The following CDH13 variants were observed in gnomAD, a reference collection of about 807,000 sequenced individuals.
CDH13 encodes the protein cadherin-13.
Under a neutral mutation model 63.8 loss-of-function variants are expected in CDH13, and 24 were observed. The ratio of observed to expected loss-of-function variants is 0.38; its 90% CI spans 0.27 to 0.53. The LOEUF (loss-of-function observed/expected upper bound fraction) is 0.53, where lower values mean the gene tolerates loss of function less well. CDH13 is among the 20% of genes least tolerant of loss of function. The pLI is 0.85. For synonymous variants in CDH13, 503 were observed against 355.3 expected, an observed-to-expected ratio of 1.42 and a Z score of -4.67; for missense variants, 1,049 against 903.1, an observed-to-expected ratio of 1.16 and a Z score of -2.07.
chr16:83,276,618 C>G (rs1276314273), intron 5 of CDH13, among the ~76,000 whole-genome samples: 1 of 152,100 alleles, frequency 6.6e-6, no homozygotes, highest in South Asian at 2.1e-4. Flanking sequence ...CGCCTGTAAT[C>G]CCAGCACTTT....
intron 6 of CDH13, among the ~76,000 whole-genome samples, chr16:83,370,597 T>G (rs2091349273): frequency 6.6e-6 from 1 of 152,150 alleles, no homozygotes; most frequent in Non-Finnish European, 1.5e-5. Context: ...ATAGGTAGTT[T>G]TTTTGTTCTC....
chr16:83,667,657 C>G (rs1308299471), intron 8 of CDH13, among the ~76,000 whole-genome samples: 1 of 152,092 alleles, frequency 6.6e-6, no homozygotes, highest in Non-Finnish European at 1.5e-5. Context: ...TTCTTCACAT[C>G]ACAAAAATAA....
chr16:83,414,669 A>G (rs1237541006), intron 6 of CDH13, among the ~76,000 whole-genome samples: 1 of 152,240 alleles, frequency 6.6e-6, no homozygotes, highest in Non-Finnish European at 1.5e-5. Context: ...ACCATGCAGT[A>G]TTAGTCTTTC....
rs374652806 is a variant in CDH13, at chr16:83,678,391, C to G, written c.1468C>G (p.Leu490Val). The G allele has an allele frequency of 7.2e-5, 117 of 1,613,906 alleles. No individual in the cohort carries two copies. The highest frequency in any genetic ancestry group is 6.7e-5 in the Admixed American group (4 of 60,010). ...DPMMVTRQED[L>V]SVGSVLLTVN... is the part of the protein sequence containing the mutation. Reference sequence around the variant, plus strand: ...CATGATGGTGACCAGGCAGGAGGACCTCTCTGTGGGCAGCGTGCTGCTGAC... The same window carrying G: ...CATGATGGTGACCAGGCAGGAGGACGTCTCTGTGGGCAGCGTGCTGCTGAC... The change falls in exon 10 of 14, where the codon CTC (leucine) becomes GTC (valine). Residue 490 changes from leucine to valine, a missense_variant. Physicochemically the swap from Leu to Val is conservative, Grantham distance 32. Transcript: ENST00000567109.
In CDH13 at chr16:82,936,025, G is replaced by A. The variant is rs181366877; in HGVS notation, c.157+77552G>A. ...AGGTATGATGTTTACACAGGGCATG[G>A]GCAAGGCTGGTCACCCCACCCTAAT... On this transcript the variant is annotated intron_variant, in intron 2 of 13. Transcript: ENST00000567109. 1.7e-4 allele frequency among the ~76,000 whole-genome samples: 26 copies of A among 152,242 alleles called. No homozygotes were observed. The East Asian group carries it at 4.6e-3, about 27-fold the overall frequency.
intron 7 of CDH13, among the ~76,000 whole-genome samples, chr16:83,512,029 A>T (rs11149573): frequency 0.065 from 9,821 of 152,174 alleles, 369 homozygotes; most frequent in African/African-American, 0.087. Flanking sequence ...TTTTTAAAAA[A>T]TAAAGGAAGG....
chr16:83,359,173 C>T (rs955493978), intron 6 of CDH13, among the ~76,000 whole-genome samples: 2 of 152,104 alleles, frequency 1.3e-5, no homozygotes, highest in Non-Finnish European at 2.9e-5. Context: ...AAGGGTACAG[C>T]ACAAGGGTTG....
intron 1 of CDH13, among the ~76,000 whole-genome samples, chr16:82,734,491 C>G (rs1323707998): frequency 1.3e-5 from 2 of 152,064 alleles, no homozygotes; most frequent in African/African-American, 2.4e-5. Context: ...GGCCTGGGCA[C>G]GTGGGGGCCA....
At chr16:83,607,627 G>C (rs2150757985) in intron 8 of CDH13, among the ~76,000 whole-genome samples, 1 of 152,238 alleles carries the variant, frequency 6.6e-6, no homozygotes, top group East Asian at 1.9e-4. Flanking sequence ...AACGAAGATT[G>C]TACTTAAAAT....
At chr16:83,288,680 C>T (rs1323922932) in intron 5 of CDH13, among the ~76,000 whole-genome samples, 1 of 152,164 alleles carries the variant, frequency 6.6e-6, no homozygotes, top group Non-Finnish European at 1.5e-5. Context: ...TTAACCTTTT[C>T]CCAAAGAATC....
chr16:82,663,337 G>A (rs546773737), intron 1 of CDH13, among the ~76,000 whole-genome samples: 91 of 152,088 alleles, frequency 6.0e-4, no homozygotes, highest in African/African-American at 2.1e-3. Context: ...CAGGCATGCA[G>A]CACCAGGCCC....
At chr16:83,162,159 T>C (rs7186111) in intron 4 of CDH13, among the ~76,000 whole-genome samples, 33,012 of 152,134 alleles carry the variant, frequency 0.22, 4,903 homozygotes, top group African/African-American at 0.42. Flanking sequence ...AACCAAGTAC[T>C]GGAATCTGTT....
intron 1 of CDH13, among the ~76,000 whole-genome samples, chr16:82,818,972 A>C (rs1348160628): frequency 6.6e-6 from 1 of 152,198 alleles, no homozygotes; most frequent in Admixed American, 6.5e-5. Flanking sequence ...GTAATCATAA[A>C]CTGTGGCTTT....
intron 7 of CDH13, among the ~76,000 whole-genome samples, chr16:83,572,673 A>G (rs1306704777): frequency 2.0e-5 from 3 of 152,208 alleles, no homozygotes; most frequent in Non-Finnish European, 2.9e-5. Context: ...CTTCCGGGAC[A>G]TGGGCAGAGG....
intron 2 of CDH13, among the ~76,000 whole-genome samples, chr16:82,938,001 G>A (rs1229732358): frequency 6.6e-6 from 1 of 152,202 alleles, no homozygotes; most frequent in African/African-American, 2.4e-5. Context: ...CAATGGAATT[G>A]TGTTAGCTTA....
chr16:83,757,571 C>G (rs1005991798), intron 11 of CDH13, among the ~76,000 whole-genome samples: 1 of 152,130 alleles, frequency 6.6e-6, no homozygotes, highest in South Asian at 2.1e-4. Flanking sequence ...GAGCGAGACT[C>G]TGTCTCTAAA....
intron 1 of CDH13, among the ~76,000 whole-genome samples, chr16:82,707,724 A>C (rs2031604703): frequency 6.6e-6 from 1 of 152,182 alleles, no homozygotes; most frequent in Non-Finnish European, 1.5e-5. Context: ...TGTAATTTGC[A>C]CAAAGTAGGC....
At chr16:83,578,261 G>A (rs1905228796) in intron 7 of CDH13, among the ~76,000 whole-genome samples, 2 of 152,178 alleles carry the variant, frequency 1.3e-5, no homozygotes, top group African/African-American at 2.4e-5. Context: ...CTCAAATCCT[G>A]TAAAATTAAC....
rs142196815 is a variant in CDH13, at chr16:83,370,339, G to C, written c.781+25333G>C. Among the ~76,000 whole-genome samples, 247 of 151,392 alleles carry C rather than the reference G, an allele frequency of 1.6e-3. 2 individuals carry two copies. The highest frequency in any genetic ancestry group is 5.2e-3 in the African/African-American group (214 of 41,134). On this transcript the variant is annotated intron_variant, in intron 6 of 13. Transcript: ENST00000567109. ...GGAGGTGGAGCTTGCAGTGAGCCAA[G>C]GCTGCGCCACTGCACTCCAGCCTGG...
Sources: gnomAD v4.1 joint callset for allele counts (sites outside exome capture counted in the v4.1 genomes callset) on GRCh38, gnomAD v4.1.1 for gene constraint, MANE v1.5 for transcripts, NCBI Gene and HGNC (gene_info 2026-07-23, HGNC 2026-07-21) for gene names.